The following SLC30A4 variants were observed in gnomAD, a reference collection of about 807,000 sequenced individuals.
The protein encoded by SLC30A4 is solute carrier family 30 member 4.
SLC30A4 carries 20 observed loss-of-function variants against 41.7 expected under a neutral mutation model. The ratio of observed to expected loss-of-function variants is 0.48; its 90% confidence interval spans 0.34 to 0.70. SLC30A4 has a LOEUF of 0.70. Ranked by LOEUF, SLC30A4 falls within the 30% of genes least tolerant of loss-of-function variation. The pLI is 0.01. For synonymous variants in SLC30A4, 181 were observed against 195.9 expected (o/e 0.92, Z 0.64); for missense variants, 441 against 529.3 (o/e 0.83, Z 1.64).
intron 7 of SLC30A4, among the ~76,000 whole-genome samples, chr15:45,485,969 T>C (rs965440427): frequency 2.6e-5 from 4 of 152,206 alleles, no homozygotes; most frequent in Admixed American, 6.5e-5. Context: ...TCCACCCACC[T>C]TGGCCTCCCA....
intron 2 of SLC30A4, among the ~76,000 whole-genome samples, chr15:45,512,916 G>A (rs995219868): frequency 6.6e-6 from 1 of 151,842 alleles, no homozygotes; most frequent in African/African-American, 2.4e-5. Flanking sequence ...CTGCTTGAGT[G>A]TAAGAGTCTG....
intron 5 of SLC30A4, 106 bp downstream of exon 5, chr15:45,488,735 G>T: frequency 1.2e-6 from 1 of 808,542 alleles, no homozygotes; most frequent in Non-Finnish European, 2.0e-6. Context: ...AATGTAAAAT[G>T]AATAGAACTG....
chr15:45,503,010 T>C (rs1354593490), intron 3 of SLC30A4: 1 of 150,912 alleles, frequency 6.6e-6, no homozygotes, highest in East Asian at 1.9e-4. Flanking sequence ...AAAAAAAGAC[T>C]CCATTCATCT....
At chr15:45,517,262 TAC>T (rs72041557) in intron 2 of SLC30A4, among the ~76,000 whole-genome samples, 12,643 of 150,904 alleles carry the variant, frequency 0.084, 1,762 homozygotes, top group African/African-American at 0.29. Flanking sequence ...CGGCATTATA[TAC>T]ACTCATCTCT....
intron 3 of SLC30A4, among the ~76,000 whole-genome samples, chr15:45,510,891 T>C (rs1274593504): frequency 6.6e-6 from 1 of 152,218 alleles, no homozygotes; most frequent in African/African-American, 2.4e-5. Flanking sequence ...TCTGATGATA[T>C]CTTCAGGACA....
rs58392709 is a variant in SLC30A4 at position 45,487,960 on chromosome 15, AGTGTGTGTGTGTGTGTGTGT to A, written c.895-348_895-329del. 3.6e-5 allele frequency among the ~76,000 whole-genome samples: 5 copies of A among 139,668 alleles called. 1 individual carries two copies. The highest frequency in any genetic ancestry group is 1.0e-4 in the African/African-American group (4 of 38,128). 91.6% of individuals were successfully genotyped at this position (139,668 alleles called of 152,430 possible). A position where few individuals can be genotyped will look rare whatever the true frequency, so the allele number is the denominator to read the frequency against. ...TGTGTGTGTGTCAAAGCTGGAAAAA[AGTGTGTGTGTGTGTGTGTGT>A]GTGTGTGTGTGTGTGTGTGTGTTGC... On this transcript the variant is annotated intron_variant, in intron 5 of 7. Transcript: ENST00000261867.
intron 3 of SLC30A4, among the ~76,000 whole-genome samples, chr15:45,491,171 G>A (rs1891803006): frequency 6.6e-6 from 1 of 151,890 alleles, no homozygotes; most frequent in Non-Finnish European, 1.5e-5. Flanking sequence ...ATAGGCACAT[G>A]CCACCACACC....
chr15:45,482,264 A>T lies in SLC30A4; in HGVS notation c.*2899T>A, dbSNP rs890964683. ...GAAACACTGTGTCTACCAAAAATAC[A>T]AAAAATTAGCTGGGTGTGGTGGTGC... is the stretch of plus-strand genomic sequence containing the variant. On this transcript the variant is annotated 3_prime_UTR_variant, in exon 8 of 8. Coordinates refer to ENST00000261867, the MANE Select transcript of SLC30A4 (RefSeq NM_013309.6). The T allele has an allele frequency of 4.0e-5, 6 of 151,818 alleles. No homozygotes were observed. Among genetic ancestry groups the T allele is most frequent in the African/African-American group, 1.5e-4 (6 of 41,280 alleles). The allele number at this position is 151,818 out of a possible 1,614,324, so 9.4% of individuals were successfully genotyped here.
At chr15:45,510,634 A>C (rs894421610) in intron 3 of SLC30A4, among the ~76,000 whole-genome samples, 4 of 152,258 alleles carry the variant, frequency 2.6e-5, no homozygotes, top group African/African-American at 7.2e-5. Context: ...ACTCTTTATA[A>C]TTAAACATTA....
At chr15:45,485,837 C>A (rs999685382) in intron 7 of SLC30A4, among the ~76,000 whole-genome samples, 1 of 151,946 alleles carries the variant, frequency 6.6e-6, no homozygotes, top group Non-Finnish European at 1.5e-5. Context: ...CCTGCCTCAG[C>A]CTCCCGAGTA....
chr15:45,509,414 C>T (rs1436305042), intron 3 of SLC30A4, among the ~76,000 whole-genome samples: 1 of 151,974 alleles, frequency 6.6e-6, no homozygotes, highest in Admixed American at 6.6e-5. Flanking sequence ...CCACCATGCC[C>T]AGCTAATTTC....
chr15:45,500,983 A>G (rs1025511799), intron 3 of SLC30A4, among the ~76,000 whole-genome samples: 2 of 147,478 alleles, frequency 1.4e-5, no homozygotes. Flanking sequence ...TTTATAGTCT[A>G]TTCTGTGAAC....
intron 4 of SLC30A4, 31 bp downstream of exon 4, chr15:45,490,697 A>C (rs1891794503): frequency 2.0e-6 from 3 of 1,513,840 alleles, no homozygotes; most frequent in Admixed American, 2.0e-5. Context: ...ACAGTACTTG[A>C]AAATATTAAT....
chr15:45,485,291 C>T lies in SLC30A4; in HGVS notation c.1162G>A (p.Glu388Lys), dbSNP rs766539927. 6.2e-7 allele frequency: 1 copy of T among 1,609,736 alleles called. No individual in the cohort carries two copies. Among genetic ancestry groups the T allele is most frequent in the Non-Finnish European group, 8.5e-7 (1 of 1,177,744 alleles). ...AAATGGTTTGCTTTGGACTGTACTTCCTCCCATTTAGATGAACTTCCAGGA... is the reference window on the plus strand; with the variant it reads ...AAATGGTTTGCTTTGGACTGTACTTTCTCCCATTTAGATGAACTTCCAGGA... The part of the protein sequence containing the change: ...LIPGSSSKWE[E>K]VQSKANHLLL... The change falls in exon 8 of 8, where the codon GAA becomes AAA. Residue 388 changes from glutamate to lysine, a missense_variant. By Grantham distance (56) the Glu-to-Lys change is moderately conservative. Coordinates refer to ENST00000261867, the MANE Select transcript of SLC30A4 (RefSeq NM_013309.6).
chr15:45,501,971 A>G (rs1892044582), intron 3 of SLC30A4: 1 of 152,172 alleles, frequency 6.6e-6, no homozygotes. Flanking sequence ...TGATACTACT[A>G]ATATCTAACT....
At chr15:45,499,257 A>G (rs1036115100) in intron 3 of SLC30A4, among the ~76,000 whole-genome samples, 11 of 151,988 alleles carry the variant, frequency 7.2e-5, no homozygotes, top group Non-Finnish European at 8.8e-5. Flanking sequence ...TATTTTTAGT[A>G]GAGACGGGGT....
At chr15:45,494,580 G>T (rs1891874058) in intron 3 of SLC30A4, among the ~76,000 whole-genome samples, 1 of 152,170 alleles carries the variant, frequency 6.6e-6, no homozygotes, top group African/African-American at 2.4e-5. Context: ...AGCTACTCAG[G>T]AGGCTGAGGC....
chr15:45,485,225 G>A lies in SLC30A4; in HGVS notation c.1228C>T (p.Leu410Phe). Residue 410 changes from leucine to phenylalanine, a missense_variant, in exon 8 of 8, where the codon CTT (leucine) becomes TTT (phenylalanine). Physicochemically the swap from Leu to Phe is conservative, Grantham distance 22. Coordinates refer to ENST00000261867, the MANE Select transcript of SLC30A4 (RefSeq NM_013309.6). ...TFGMYRCTIQ[L>F]QSYRQEVDRT... ...TCCACTTCTTGCCTGTAACTCTGAAGCTGAATAGTACATCTATACATGCCA... is the reference window on the plus strand; with the variant it reads ...TCCACTTCTTGCCTGTAACTCTGAAACTGAATAGTACATCTATACATGCCA... 6.2e-7 allele frequency: 1 copy of A among 1,612,938 alleles called. No individual in the cohort carries two copies. Among genetic ancestry groups the A allele is most frequent in the Non-Finnish European group, 8.5e-7 (1 of 1,179,218 alleles).
Position 45,496,251 on chromosome 15 carries a change from T to C in SLC30A4, c.539-5370A>G, listed in dbSNP as rs190302252. Among the ~76,000 whole-genome samples the C allele has an allele frequency of 2.0e-3, 303 of 152,270 alleles. 1 individual carries two copies. The highest frequency in any genetic ancestry group is 2.2e-3 in the Admixed American group (34 of 15,290). ...ATAGGACTAACTTAGGGTTTAAAAA[T>C]TTTTCCTTCATAATATTCTTAACAT... is the stretch of plus-strand genomic sequence containing the variant. On this transcript the variant is annotated intron_variant, in intron 3 of 7. Coordinates refer to ENST00000261867, the MANE Select transcript of SLC30A4 (RefSeq NM_013309.6).
Sources: allele counts gnomAD v4.1 joint callset (sites outside exome capture counted in the v4.1 genomes callset), GRCh38; gene constraint gnomAD v4.1.1; transcripts MANE v1.5; gene names NCBI Gene and HGNC (gene_info 2026-07-23, HGNC 2026-07-21).